B9D1: variants seen among roughly 807,000 people sequenced by gnomAD.
B9D1 encodes B9 domain containing 1, also known as B9 domain-containing protein 1.
Under a neutral mutation model 26.1 loss-of-function variants are expected in B9D1, and 20 were observed. The ratio of observed to expected loss-of-function variants is 0.77; its 90% CI spans 0.54 to 1.12. B9D1 has a LOEUF of 1.12. Ranked by LOEUF, B9D1 falls within the 50% of genes most tolerant of loss-of-function variation. B9D1 has a pLI of 0.00. For synonymous variants in B9D1, 105 were observed against 103.1 expected (o/e 1.02, Z -0.11); for missense variants, 260 against 273.7 (o/e 0.95, Z 0.35).
downstream of B9D1, among the ~76,000 whole-genome samples, chr17:19,339,104 GT>G (rs1279826880): frequency 6.6e-6 from 1 of 152,218 alleles, no homozygotes; most frequent in Non-Finnish European, 1.5e-5. Flanking sequence ...AAAAGACCAA[GT>G]TATTTTGTTC....
downstream of B9D1, among the ~76,000 whole-genome samples, chr17:19,342,108 A>C (rs1161251387): frequency 6.6e-6 from 1 of 152,090 alleles, no homozygotes; most frequent in African/African-American, 2.4e-5. Flanking sequence ...GCAAGGACAC[A>C]CCCCTGCTCT....
At position 19,373,904 on chromosome 17, in the gene B9D1, G is replaced by A. The variant is rs554131057; in HGVS notation, c.-298+3955C>T. Among the ~76,000 whole-genome samples, 5 of 152,312 alleles carry A rather than the reference G, an allele frequency of 3.3e-5. No individual in the cohort carries two copies. In the South Asian group the frequency reaches 6.2e-4, roughly 19 times the overall value. On this transcript the variant is annotated intron_variant, in intron 1 of 5. Coordinates refer to the B9D1 transcript ENST00000477478. ...GATGTCTGCCAGAAATACCTTTCAG[G>A]AAGGCAGCTCTGAAGGGCATTTGTC...
At position 19,354,874 on chromosome 17, in the gene B9D1, C is replaced by T. The variant is rs184792503; in HGVS notation, c.244+2966G>A. On this transcript the variant is annotated intron_variant, in intron 3 of 6. Coordinates refer to ENST00000261499, the MANE Select transcript of B9D1 (RefSeq NM_015681.6). ...TTTTCTTTTTGTCTTTGGTTTTCAA[C>T]TGTTTGATTATCATGCACCTAGGGG... Among the ~76,000 whole-genome samples, 271 of 152,266 alleles carry T rather than the reference C, an allele frequency of 1.8e-3. 1 individual carries two copies. The highest frequency in any genetic ancestry group is 6.0e-3 in the African/African-American group (251 of 41,550).
chr17:19,345,042 G>T (rs1908574221), intron 5 of B9D1, among the ~76,000 whole-genome samples: 1 of 152,316 alleles, frequency 6.6e-6, no homozygotes, highest in South Asian at 2.1e-4. Context: ...ATCCCATCCC[G>T]GAGCTCACAT....
chr17:19,340,113 G>C (rs7211555), downstream of B9D1, among the ~76,000 whole-genome samples: 144,501 of 150,370 alleles, frequency 0.96, 69,814 homozygotes, highest in African/African-American at 0.99. Context: ...ACCTTGACTG[G>C]GCAGGGATGC....
Position 19,343,784 on chromosome 17 carries a change from C to T in B9D1, c.472+6G>A. 1 of 1,613,124 alleles carries T rather than the reference C, an allele frequency of 6.2e-7. No homozygotes were observed. On this transcript the variant is annotated splice_donor_region_variant and intron_variant, in intron 6 of 6. Coordinates refer to ENST00000261499, the MANE Select transcript of B9D1 (RefSeq NM_015681.6). ...GATGGGGGTAAGAGAGGGGAGGGAG[C>T]TTTACCTTCCCGGCCTTCACCCTGA...
rs1025767048 is a variant in B9D1 at position 19,372,059 on chromosome 17, A to T, written c.-298+5800T>A. On this transcript the variant is annotated intron_variant, in intron 1 of 5. Transcript: ENST00000477478. This position sits in a 1 kb window ranked among gnomAD's most constrained non-coding sequence, Gnocchi z 4.4. Reference sequence around the variant, plus strand: ...CCCATTTTGTCACCTGTAACCAGGGACAATGATGCATCACCCGAGTCCCCC... The same window carrying T: ...CCCATTTTGTCACCTGTAACCAGGGTCAATGATGCATCACCCGAGTCCCCC... 2 of 152,264 alleles carry T rather than the reference A, an allele frequency of 1.3e-5. No homozygotes were observed. Among genetic ancestry groups the T allele is most frequent in the Non-Finnish European group, 2.9e-5 (2 of 68,076 alleles). The allele number at this position is 152,264 out of a possible 1,614,324, so 9.4% of individuals were successfully genotyped here.
intron 1 of B9D1, among the ~76,000 whole-genome samples, chr17:19,374,231 C>G (rs60166680): frequency 0.18 from 28,074 of 152,110 alleles, 3,233 homozygotes; most frequent in East Asian, 0.6. Context: ...GCTGGGGAGG[C>G]TGTCAGGGAG....
At position 19,370,646 on chromosome 17, in the gene B9D1, G is replaced by A. The variant is rs1911847290; in HGVS notation, c.-298+7213C>T. Among the ~76,000 whole-genome samples, 1 of 152,240 alleles carries A rather than the reference G, an allele frequency of 6.6e-6. No homozygotes were observed. The highest frequency in any genetic ancestry group is 2.1e-4 in the South Asian group (1 of 4,828). The stretch of plus-strand genomic sequence containing the variant: ...TGACCAGGTTCCCCCACCCAGGTCT[G>A]TGGTCAGCCTGGCTGTGCTGAATGG... On this transcript the variant is annotated intron_variant, in intron 1 of 5. Coordinates refer to the B9D1 transcript ENST00000477478. This position sits in a 1 kb window ranked among gnomAD's most constrained non-coding sequence, Gnocchi z 5.1.
At chr17:19,354,701 AC>A (rs1272306042) in intron 3 of B9D1, among the ~76,000 whole-genome samples, 1 of 151,946 alleles carries the variant, frequency 6.6e-6, no homozygotes, top group Non-Finnish European at 1.5e-5. Flanking sequence ...GGTGGCAGGC[AC>A]CTGTAATCCC....
downstream of B9D1, chr17:19,336,581 C>T (rs1054018452): frequency 6.5e-6 from 1 of 152,688 alleles, no homozygotes; most frequent in Non-Finnish European, 1.5e-5. Flanking sequence ...CATCGTGCTC[C>T]CTCCTGATGG....
At chr17:19,373,763 G>T (rs763222269) in intron 1 of B9D1, among the ~76,000 whole-genome samples, 4 of 152,226 alleles carry the variant, frequency 2.6e-5, no homozygotes. Context: ...TTGACCTCAG[G>T]TGATCCCCCA....
At chr17:19,346,847 C>T in intron 5 of B9D1, 1 of 1,271,756 alleles carries the variant, frequency 7.9e-7, no homozygotes, top group East Asian at 3.0e-5. Context: ...CTCTTCCCTC[C>T]ACACTAAGCC....
chr17:19,360,106 AG>A (rs1198907454), intron 2 of B9D1, among the ~76,000 whole-genome samples: 1 of 152,140 alleles, frequency 6.6e-6, no homozygotes, highest in African/African-American at 2.4e-5. Context: ...CTCACAGGGT[AG>A]GGCTTCTGAG....
chr17:19,337,615 G>C (rs190187092), downstream of B9D1: 21 of 1,126,654 alleles, frequency 1.9e-5, no homozygotes, highest in East Asian at 5.4e-4. Context: ...GATGCTCTTG[G>C]TTACGCTGCA....
At chr17:19,346,901 G>C in intron 5 of B9D1, 12 of 1,430,596 alleles carry the variant, frequency 8.4e-6, no homozygotes, top group Non-Finnish European at 1.1e-5. Flanking sequence ...CACATGTAAA[G>C]GCATTTATCA....
intron 1 of B9D1, among the ~76,000 whole-genome samples, chr17:19,374,905 T>G (rs770190538): frequency 2.0e-5 from 3 of 152,250 alleles, no homozygotes; most frequent in Non-Finnish European, 4.4e-5. Context: ...AGGTAATATC[T>G]GTATCTGTAA....
At position 19,362,497 on chromosome 17, in the gene B9D1, G is replaced by T. The variant is rs1163925871; in HGVS notation, c.63+10C>A. 2 of 1,557,058 alleles carry T rather than the reference G, an allele frequency of 1.3e-6. No homozygotes were observed. The highest frequency in any genetic ancestry group is 2.2e-4 in the Middle Eastern group (1 of 4,630). On this transcript the variant is annotated intron_variant, in intron 1 of 6. Coordinates refer to ENST00000261499, the MANE Select transcript of B9D1 (RefSeq NM_015681.6). ...GGGGGCGGGCCCCGGCGGGGTCCAC[G>T]GCCGCTCACCTGGGCGCTCTCCACC...
At chr17:19,343,751 G>A in intron 6 of B9D1, 39 bp downstream of exon 6, 1 of 1,613,274 alleles carries the variant, frequency 6.2e-7, no homozygotes, top group Non-Finnish European at 8.5e-7. Flanking sequence ...GCTGTAACCT[G>A]TATGGGGGAT....
Sources: allele counts gnomAD v4.1 joint callset (sites outside exome capture counted in the v4.1 genomes callset), GRCh38; gene constraint gnomAD v4.1.1; non-coding constraint Gnocchi (gnomAD v3.1); transcripts MANE v1.5; gene names NCBI Gene and HGNC (gene_info 2026-07-23, HGNC 2026-07-21).